The following PSMA8 variants were observed in gnomAD, a reference collection of about 807,000 sequenced individuals.
PSMA8 encodes proteasome subunit alpha-type 8.
In PSMA8, 18 loss-of-function variants were observed where a neutral mutation model predicts 32.4. The ratio of observed to expected loss-of-function variants is 0.56; its 90% CI spans 0.38 to 0.82. PSMA8 has a LOEUF of 0.82. Ranked by LOEUF, PSMA8 falls within the 40% of genes least tolerant of loss-of-function variation. PSMA8 has a pLI of 0.00. For synonymous variants in PSMA8, 104 were observed against 98.1 expected (o/e 1.06, Z -0.36); for missense variants, 298 against 300.7 (o/e 0.99, Z 0.07).
chr18:26,186,175 G>A (rs577220916), intron 6 of PSMA8, among the ~76,000 whole-genome samples: 2 of 149,286 alleles, frequency 1.3e-5, no homozygotes, highest in South Asian at 4.2e-4. Flanking sequence ...CTTGAACCTG[G>A]GAGGCAGAGG....
intron 4 of PSMA8, among the ~76,000 whole-genome samples, chr18:26,159,008 G>T (rs567463419): frequency 1.3e-5 from 2 of 151,554 alleles, no homozygotes; most frequent in East Asian, 1.9e-4. Context: ...CCTGCCCCCC[G>T]CAAAAAACAC....
At chr18:26,157,572 G>A (rs1490354698) in intron 3 of PSMA8, among the ~76,000 whole-genome samples, 3 of 152,116 alleles carry the variant, frequency 2.0e-5, no homozygotes, top group Non-Finnish European at 4.4e-5. Flanking sequence ...TGAGGAAACA[G>A]CATGCTCTTC....
chr18:26,155,247 GGC>G (rs934983267), intron 3 of PSMA8, among the ~76,000 whole-genome samples: 1 of 151,630 alleles, frequency 6.6e-6, no homozygotes, highest in African/African-American at 2.4e-5. Flanking sequence ...AAAAAGAAAA[GGC>G]TCATTAAGGA....
intron 3 of PSMA8, among the ~76,000 whole-genome samples, chr18:26,156,733 G>A (rs2144303643): frequency 6.7e-6 from 1 of 148,466 alleles, no homozygotes; most frequent in African/African-American, 2.5e-5. Flanking sequence ...TACAGTGTGT[G>A]TGCATATATT....
At chr18:26,159,788 A>G (rs572295368) in intron 4 of PSMA8, among the ~76,000 whole-genome samples, 1 of 152,078 alleles carries the variant, frequency 6.6e-6, no homozygotes, top group South Asian at 2.1e-4. Flanking sequence ...TCATGGTGGG[A>G]CAGGAGGATA....
chr18:26,134,337 GT>G (rs2054891405), intron 1 of PSMA8, among the ~76,000 whole-genome samples: 4 of 146,136 alleles, frequency 2.7e-5, no homozygotes, highest in African/African-American at 1.0e-4. Context: ...GGGTGTGTGT[GT>G]GGGTGTGTGT....
intron 6 of PSMA8, among the ~76,000 whole-genome samples, chr18:26,179,499 AAACTTT>A (rs2055292521): frequency 6.6e-6 from 1 of 152,066 alleles, no homozygotes; most frequent in South Asian, 2.1e-4. Context: ...TGTGAGACTT[AAACTTT>A]AATACGTAGC....
chr18:26,178,184 C>T (rs2055279051), intron 4 of PSMA8, among the ~76,000 whole-genome samples: 1 of 152,154 alleles, frequency 6.6e-6, no homozygotes, highest in Admixed American at 6.5e-5. Context: ...TACCACTGCA[C>T]TCCAGCCTGG....
intron 4 of PSMA8, among the ~76,000 whole-genome samples, chr18:26,169,095 T>C (rs1432328837): frequency 2.0e-4 from 26 of 132,236 alleles, no homozygotes; most frequent in Admixed American, 5.0e-4. Flanking sequence ...AATTCTTCCA[T>C]CTCAGCTTCC....
intron 6 of PSMA8, among the ~76,000 whole-genome samples, chr18:26,182,365 A>G (rs1485910848): frequency 6.6e-6 from 1 of 152,226 alleles, no homozygotes; most frequent in Non-Finnish European, 1.5e-5. Context: ...GCTTCAAGGG[A>G]CGGACTGTCT....
At position 26,149,604 on chromosome 18, in the gene PSMA8, G is replaced by C. The variant is rs141685534; in HGVS notation, c.230-2254G>C. ...GACATGTAACTAATGGAATTGAATA[G>C]AGAACATAGTAATAAATCCTTGCAT... On this transcript the variant is annotated intron_variant, in intron 2 of 6. Coordinates refer to ENST00000415576, the MANE Select transcript of PSMA8 (RefSeq NM_001025096.2). Among the ~76,000 whole-genome samples, 490 of 152,258 alleles carry C rather than the reference G, an allele frequency of 3.2e-3. 4 individuals are homozygous for C. The highest frequency in any genetic ancestry group is 0.01 in the African/African-American group (433 of 41,552).
Position 26,134,017 on chromosome 18 carries a change from C to G in PSMA8, c.52C>G (p.Leu18Val). Residue 18 changes from leucine to valine, a missense_variant, in exon 1 of 7, where the codon CTT (leucine) becomes GTT (valine). Coordinates refer to ENST00000415576, the MANE Select transcript of PSMA8 (RefSeq NM_001025096.2). The stretch of plus-strand genomic sequence containing the variant: ...CACTGTCTTCTCCCCAGACGGACAC[C>G]TTTTTCAAGTTGAATATGCCCAGGA... ...AITVFSPDGH[L>V]FQVEYAQEAV... 1 of 1,614,094 alleles carries G rather than the reference C, an allele frequency of 6.2e-7. No homozygotes were observed. The highest frequency in any genetic ancestry group is 8.5e-7 in the Non-Finnish European group (1 of 1,179,972).
intron 1 of PSMA8, among the ~76,000 whole-genome samples, chr18:26,139,246 A>G (rs1306475300): frequency 6.6e-6 from 1 of 152,174 alleles, no homozygotes; most frequent in African/African-American, 2.4e-5. Context: ...TGCCCTCTGC[A>G]GGGCCCAATG....
chr18:26,182,081 C>T lies in PSMA8; in HGVS notation c.660+2951C>T, dbSNP rs555537154. ...GTGAAGGCTGAGAGGGGTGAGGAAG[C>T]GGAAGAAGAAAAGGCTGGAGCTAAC... On this transcript the variant is annotated intron_variant, in intron 6 of 6. Coordinates refer to ENST00000415576, the MANE Select transcript of PSMA8 (RefSeq NM_001025096.2). Among the ~76,000 whole-genome samples the T allele has an allele frequency of 3.9e-5, 6 of 152,188 alleles. No homozygotes were observed. The East Asian group carries it at 7.7e-4, about 20-fold the overall frequency.
chr18:26,182,665 T>G, intron 6 of PSMA8, among the ~76,000 whole-genome samples: 1 of 152,232 alleles, frequency 6.6e-6, no homozygotes, highest in East Asian at 1.9e-4. Context: ...CTTTCAAGTC[T>G]TATTATTCAA....
intron 1 of PSMA8, chr18:26,140,061 T>C (rs929482701): frequency 2.8e-6 from 2 of 702,948 alleles, no homozygotes; most frequent in African/African-American, 3.5e-5. Flanking sequence ...GTTTCTCTGA[T>C]TGTTCACGAT....
chr18:26,190,418 A>G (rs2055392540), intron 6 of PSMA8, among the ~76,000 whole-genome samples: 1 of 152,126 alleles, frequency 6.6e-6, no homozygotes, highest in Admixed American at 6.5e-5. Context: ...ATATATACCT[A>G]CTATGTACTC....
At chr18:26,134,860 G>A (rs1421115281) in intron 1 of PSMA8, among the ~76,000 whole-genome samples, 4 of 151,282 alleles carry the variant, frequency 2.6e-5, no homozygotes, top group African/African-American at 7.3e-5. Flanking sequence ...AGGCTGAGGC[G>A]GGAGAATCGC....
chr18:26,157,598 G>A (rs1270420810), intron 3 of PSMA8, among the ~76,000 whole-genome samples: 1 of 151,934 alleles, frequency 6.6e-6, no homozygotes, highest in Admixed American at 6.6e-5. Flanking sequence ...GATAAACAAA[G>A]GTTTTCTTGT....
Sources: allele counts gnomAD v4.1 joint callset (sites outside exome capture counted in the v4.1 genomes callset), GRCh38; gene constraint gnomAD v4.1.1; transcripts MANE v1.5; gene names NCBI Gene and HGNC (gene_info 2026-07-23, HGNC 2026-07-21).